Variants in CYP2R1 observed in about 807,000 individuals in gnomAD.
CYP2R1 encodes the protein cytochrome P450 family 2 subfamily R member 1, also known as vitamin D 25-hydroxylase.
A neutral mutation model predicts 45.7 loss-of-function variants in CYP2R1; 40 were observed. The ratio of observed to expected loss-of-function variants is 0.87; its 90% CI spans 0.68 to 1.14. The LOEUF is 1.14. CYP2R1 is among the 50% of genes most tolerant of loss of function. The probability of loss-of-function intolerance (pLI) is 0.00; values close to 1 mark genes in which losing one functional copy is unlikely to be tolerated. For synonymous variants in CYP2R1, 234 were observed against 219.3 expected, an observed-to-expected ratio of 1.07 and a Z score of -0.59; for missense variants, 605 against 602.6, an observed-to-expected ratio of 1.00 and a Z score of -0.04.
chr11:14,885,895 C>T lies in CYP2R1; in HGVS notation c.248G>A (p.Gly83Asp). 3 of 1,613,436 alleles carry T rather than the reference C, an allele frequency of 1.9e-6. No homozygotes were observed. Among genetic ancestry groups the T allele is most frequent in the Non-Finnish European group, 2.5e-6 (3 of 1,179,606 alleles). ...YGEIFSLDLGGISTVVLNGYD... is the reference protein window; with the variant it reads ...YGEIFSLDLGDISTVVLNGYD... ...GCCATTTAGAACCACAGTTGATATGCCTCCAAGATCTAAACTGAAGATCTT... is the reference window on the plus strand; with the variant it reads ...GCCATTTAGAACCACAGTTGATATGTCTCCAAGATCTAAACTGAAGATCTT... The change falls in exon 2 of 5, where the codon GGC becomes GAC. Residue 83 changes from glycine (G) to aspartate (D), a missense_variant. Coordinates refer to ENST00000334636, the MANE Select transcript of CYP2R1 (RefSeq NM_024514.5).
At chr11:14,887,742 A>C in intron 1 of CYP2R1, 1 of 582,924 alleles carries the variant, frequency 1.7e-6, no homozygotes, top group Non-Finnish European at 2.2e-6. Context: ...CAAGTGGTTG[A>C]GGCCCAGGAC....
rs1555011631 is a variant in CYP2R1, at chr11:14,880,371, A to G, written c.765T>C (p.Asp255=). The change falls in exon 3 of 5, where the codon GAT becomes GAC. Residue 255 remains aspartate (D), a synonymous_variant. Coordinates refer to ENST00000334636, the MANE Select transcript of CYP2R1 (RefSeq NM_024514.5). ...QLFRNAAVVY[D]FLSRLIEKAS... ...CTTTTTCAATGAGTCTGGAGAGAAAATCATAGACTACAGCTGCATTTCTAA... is the reference window on the plus strand; with the variant it reads ...CTTTTTCAATGAGTCTGGAGAGAAAGTCATAGACTACAGCTGCATTTCTAA... 6.2e-7 allele frequency: 1 copy of G among 1,613,392 alleles called. No homozygotes were observed.
intron 1 of CYP2R1, chr11:14,890,901 T>C (rs782199289): frequency 1.0e-6 from 1 of 985,378 alleles, no homozygotes; most frequent in African/African-American, 1.7e-5. Context: ...AGGTCAAACC[T>C]GAAATACCAC....
At chr11:14,890,292 A>C (rs2134105038) in intron 1 of CYP2R1, 1 of 206,840 alleles carries the variant, frequency 4.8e-6, no homozygotes, top group Non-Finnish European at 8.5e-6. Context: ...TTATGCTTTC[A>C]CATTTTATTT....
intron 2 of CYP2R1, among the ~76,000 whole-genome samples, chr11:14,883,209 A>C (rs1276615367): frequency 4.0e-5 from 6 of 151,602 alleles, no homozygotes; most frequent in African/African-American, 1.4e-4. Flanking sequence ...GAACCAAAAA[A>C]GAGCCTGCAT....
In CYP2R1 at chr11:14,879,199, T is replaced by C. The variant is rs781991655; in HGVS notation, c.1245A>G (p.Arg415=). Residue 415 remains arginine, a synonymous_variant, in exon 4 of 5, where the codon AGA becomes AGG. Coordinates refer to ENST00000334636, the MANE Select transcript of CYP2R1 (RefSeq NM_024514.5). The stretch of plus-strand genomic sequence containing the variant: ...GCTCAGGATGGAACACTTCTGGGTC[T>C]CTCCAGTACTTTTCATCAAAGTGTA... ...YSVHFDEKYW[R]DPEVFHPERF... 1 of 1,613,256 alleles carries C rather than the reference T, an allele frequency of 6.2e-7. No individual in the cohort carries two copies. The highest frequency in any genetic ancestry group is 8.5e-7 in the Non-Finnish European group (1 of 1,179,512).
At chr11:14,882,090 T>A (rs11023374) in intron 2 of CYP2R1, among the ~76,000 whole-genome samples, 1 of 151,992 alleles carries the variant, frequency 6.6e-6, no homozygotes, top group Non-Finnish European at 1.5e-5. Context: ...TAGTCCATTC[T>A]TTTTTCTATA....
At chr11:14,885,306 C>T (rs1202186498) in intron 2 of CYP2R1, among the ~76,000 whole-genome samples, 2 of 152,108 alleles carry the variant, frequency 1.3e-5, no homozygotes, top group Admixed American at 1.3e-4. Flanking sequence ...CAATACTAAA[C>T]CATACAGAAT....
At chr11:14,882,437 T>A (rs557818423) in intron 2 of CYP2R1, among the ~76,000 whole-genome samples, 7 of 152,186 alleles carry the variant, frequency 4.6e-5, no homozygotes, top group Admixed American at 3.3e-4. Context: ...GGTGCCAAGA[T>A]GAAACCAGCC....
chr11:14,887,919 T>A (rs1269864977), intron 1 of CYP2R1, among the ~76,000 whole-genome samples: 1 of 152,182 alleles, frequency 6.6e-6, no homozygotes, highest in Non-Finnish European at 1.5e-5. Context: ...AACAACAACC[T>A]CCTAACTGGC....
chr11:14,892,055 T>C lies in CYP2R1; in HGVS notation c.151A>G (p.Asn51Asp). ...PGPPGLPFIG[N>D]IYSLAASSEL... ...GATGAGGCTGCCAGGGAATAGATGT[T>C]GCCGATAAATGGCAGCCCCGGCGGC... Residue 51 changes from asparagine to aspartate, a missense_variant, in exon 1 of 5, where the codon AAC becomes GAC. Physicochemically the swap from Asn to Asp is conservative, Grantham distance 23 (BLOSUM62 1). Transcript: ENST00000334636. The C allele has an allele frequency of 1.2e-6, 2 of 1,612,880 alleles. No individual in the cohort carries two copies. The highest frequency in any genetic ancestry group is 8.5e-7 in the Non-Finnish European group (1 of 1,179,714).
rs782354891 is a variant in CYP2R1, at chr11:14,880,452, CAAG to C, written c.681_683del (p.Phe227del). The C allele has an allele frequency of 9.9e-6, 16 of 1,613,416 alleles. No homozygotes were observed. In the African/African-American group the frequency reaches 2.1e-4, roughly 22 times the overall value. On this transcript the variant is annotated inframe_deletion, in exon 3 of 5. Coordinates refer to ENST00000334636, the MANE Select transcript of CYP2R1 (RefSeq NM_024514.5). ...TGCCAATCCATGGAAAGGCATTATACAAGAAGACTGAGGCACTGGCAGCTAGTT... is the reference window on the plus strand; with the variant it reads ...TGCCAATCCATGGAAAGGCATTATACAAGACTGAGGCACTGGCAGCTAGTT...
chr11:14,879,101 A>G lies in CYP2R1; in HGVS notation c.1330+13T>C, dbSNP rs1555010744. On this transcript the variant is annotated intron_variant, in intron 4 of 4. Transcript: ENST00000334636. The stretch of plus-strand genomic sequence containing the variant: ...CTTTATTCTAAAGTTACGCCCCGTG[A>G]AAGTTCTCTTACCTAGGGAAAAAGG... 2 of 1,607,442 alleles carry G rather than the reference A, an allele frequency of 1.2e-6. No homozygotes were observed. The highest frequency in any genetic ancestry group is 1.7e-6 in the Non-Finnish European group (2 of 1,174,320).
intron 2 of CYP2R1, among the ~76,000 whole-genome samples, chr11:14,882,559 C>A (rs1229227138): frequency 2.0e-5 from 3 of 152,102 alleles, no homozygotes; most frequent in Admixed American, 2.0e-4. Context: ...CTGGGCTCAC[C>A]CAAAGGGCAA....
chr11:14,880,028 C>A, intron 3 of CYP2R1, 108 bp downstream of exon 3: 1 of 1,046,274 alleles, frequency 9.6e-7, no homozygotes, highest in Non-Finnish European at 1.4e-6. Flanking sequence ...ACTTGGCTGG[C>A]ATCGCAGGAG....
chr11:14,880,744 C>A lies in CYP2R1; in HGVS notation c.392G>T (p.Arg131Leu). 2.5e-6 allele frequency: 4 copies of A among 1,608,226 alleles called. No individual in the cohort carries two copies. The highest frequency in any genetic ancestry group is 1.1e-5 in the South Asian group (1 of 89,628). ...TAATCGTCTGTGATCAACCCATCCTCGGCCATATCTGGAATTGAGTAAGCC... is the reference window on the plus strand; with the variant it reads ...TAATCGTCTGTGATCAACCCATCCTAGGCCATATCTGGAATTGAGTAAGCC... ...MGGLLNSRYG[R>L]GWVDHRRLAV... Residue 131 changes from arginine to leucine, a missense_variant, in exon 3 of 5, where the codon CGA becomes CTA. By Grantham distance (102) the Arg-to-Leu change is moderately radical (BLOSUM62 -2). Transcript: ENST00000334636.
chr11:14,889,370 G>A (rs1360164312), intron 1 of CYP2R1, among the ~76,000 whole-genome samples: 8 of 152,120 alleles, frequency 5.3e-5, no homozygotes, highest in Non-Finnish European at 2.9e-5. Context: ...ATATCTCTAA[G>A]ATAATGGGAG....
At chr11:14,890,765 G>A in intron 1 of CYP2R1, 1 of 637,786 alleles carries the variant, frequency 1.6e-6, no homozygotes, top group Non-Finnish European at 1.9e-6. Context: ...AGCCACGACG[G>A]TCTCGATCTC....
At chr11:14,891,624 G>GC in intron 1 of CYP2R1, 1 of 1,075,776 alleles carries the variant, frequency 9.3e-7, no homozygotes, top group Non-Finnish European at 1.1e-6. Flanking sequence ...CAAGACGCCC[G>GC]CACCTGAGGG....
Sources: allele counts gnomAD v4.1 joint callset (sites outside exome capture counted in the v4.1 genomes callset), GRCh38; gene constraint gnomAD v4.1.1; transcripts MANE v1.5; gene names NCBI Gene and HGNC (gene_info 2026-07-23, HGNC 2026-07-21).